Variants in CCDC85C observed in about 807,000 individuals in gnomAD.
CCDC85C encodes coiled-coil domain containing 85C.
Under a neutral mutation model 38.3 loss-of-function variants are expected in CCDC85C, and 18 were observed. That is an observed-to-expected ratio of 0.47 (90% CI 0.33 to 0.70). The LOEUF is 0.70. Ranked by LOEUF, CCDC85C falls within the 30% of genes least tolerant of loss-of-function variation. CCDC85C has a pLI of 0.03. For missense variants in CCDC85C, 566 were observed against 621.2 expected, an observed-to-expected ratio of 0.91 and a Z score of 0.94; for synonymous variants, 264 against 293.8, an observed-to-expected ratio of 0.90 and a Z score of 1.04.
In CCDC85C at chr14:99,503,144, CAA is replaced by C. The variant is rs1234050339; in HGVS notation, c.*12100_*12101del. On this transcript the variant is annotated 3_prime_UTR_variant, in exon 6 of 6. Coordinates refer to ENST00000380243, the MANE Select transcript of CCDC85C (RefSeq NM_001144995.2). ...TGCTTGTCGGTGGGGAGCCTGAAAA[CAA>C]AGGTGCTCCAAGGACAGGCTGCCTC... 1.4e-5 allele frequency: 12 copies of C among 841,058 alleles called. No homozygotes were observed. The highest frequency in any genetic ancestry group is 3.3e-5 in the African/African-American group (2 of 59,958). The allele number at this position is 841,058 out of a possible 1,614,324, so 52.1% of individuals were successfully genotyped here.
At position 99,576,643 on chromosome 14, in the gene CCDC85C, C is replaced by A. The variant is rs931284741; in HGVS notation, c.793+26524G>T. On this transcript the variant is annotated intron_variant, in intron 1 of 5. Coordinates refer to ENST00000380243, the MANE Select transcript of CCDC85C (RefSeq NM_001144995.2). This position sits in a 1 kb window ranked among gnomAD's most constrained non-coding sequence, Gnocchi z 4.8. The stretch of plus-strand genomic sequence containing the variant: ...GCTCCAGAGTTCCCCCACACCTGCC[C>A]CAACCCCCAAGCCTTGCCCTTTCCC... 3 of 152,282 alleles carry A rather than the reference C, an allele frequency of 2.0e-5. No homozygotes were observed. Among genetic ancestry groups the A allele is most frequent in the Non-Finnish European group, 4.4e-5 (3 of 68,116 alleles). 9.4% of individuals were successfully genotyped at this position (152,282 alleles called of 1,614,324 possible). A position where few individuals can be genotyped will look rare whatever the true frequency, so the allele number is the denominator to read the frequency against.
At chr14:99,587,156 C>T (rs940891954) in intron 1 of CCDC85C, among the ~76,000 whole-genome samples, 2 of 152,248 alleles carry the variant, frequency 1.3e-5, no homozygotes, top group African/African-American at 4.8e-5. Flanking sequence ...TCTCACACCA[C>T]CATGGGGCAT....
In CCDC85C at chr14:99,516,782, GGTTA is replaced by G. The variant is rs1374532782; in HGVS notation, c.1071+302_1071+305del. ...CAGAGGCTGGGCCTGGCAGACCTGA[GGTTA>G]GTTCTAGCCCCACTCCTGCCCCTCT... On this transcript the variant is annotated intron_variant, in intron 4 of 5. Coordinates refer to ENST00000380243, the MANE Select transcript of CCDC85C (RefSeq NM_001144995.2). The surrounding 1 kb of genome is among the most constrained non-coding windows in gnomAD (Gnocchi z 5.5). Among the ~76,000 whole-genome samples the G allele has an allele frequency of 6.6e-6, 1 of 152,154 alleles. No homozygotes were observed. Among genetic ancestry groups the G allele is most frequent in the Non-Finnish European group, 1.5e-5 (1 of 68,018 alleles).
chr14:99,573,082 G>C, intron 1 of CCDC85C: 1 of 319,646 alleles, frequency 3.1e-6, no homozygotes, highest in Non-Finnish European at 6.2e-6. Context: ...AGCCTAAGCT[G>C]TTTCCGGGGC....
At position 99,603,496 on chromosome 14, in the gene CCDC85C, C is replaced by A. The variant is rs1460520251; in HGVS notation, c.464G>T (p.Arg155Leu). Reference protein sequence around the residue: ...KELVLLLDEERAALAATGAAS... With the variant: ...KELVLLLDEELAALAATGAAS... ...GGCCCCCGTCGCCGCCAGTGCCGCG[C>A]GCTCCTCGTCCAGCAGCAGCACCAG... is the stretch of plus-strand genomic sequence containing the variant. The change falls in exon 1 of 6, where the codon CGC becomes CTC. Residue 155 changes from arginine (R) to leucine (L), a missense_variant. By Grantham distance (102) the Arg-to-Leu change is moderately radical. Around this residue, in one of 3 missense-constraint regions of CCDC85C, gnomAD observed 269 missense variants for 308.2 expected, o/e 0.87. Transcript: ENST00000380243. The surrounding 1 kb of genome is among the most constrained non-coding windows in gnomAD (Gnocchi z 7.5). 6 of 1,312,018 alleles carry A rather than the reference C, an allele frequency of 4.6e-6. No individual in the cohort carries two copies. In the East Asian group the frequency reaches 1.9e-4, roughly 41 times the overall value. 81.3% of individuals were successfully genotyped at this position (1,312,018 alleles called of 1,614,324 possible). A position where few individuals can be genotyped will look rare whatever the true frequency, so the allele number is the denominator to read the frequency against.
intron 1 of CCDC85C, among the ~76,000 whole-genome samples, chr14:99,557,689 T>C (rs1240226392): frequency 6.6e-6 from 1 of 152,064 alleles, no homozygotes; most frequent in Non-Finnish European, 1.5e-5. Context: ...CCGAGGTGGG[T>C]GGATCACTTG....
At chr14:99,557,360 C>T (rs1313562619) in intron 1 of CCDC85C, among the ~76,000 whole-genome samples, 1 of 152,206 alleles carries the variant, frequency 6.6e-6, no homozygotes, top group Non-Finnish European at 1.5e-5. Flanking sequence ...GAGACAAGAG[C>T]TGGGTTAACA....
At chr14:99,594,108 T>C (rs754180200) in intron 1 of CCDC85C, among the ~76,000 whole-genome samples, 73 of 151,834 alleles carry the variant, frequency 4.8e-4, no homozygotes, top group Non-Finnish European at 7.4e-4. Flanking sequence ...GCAAAGTGGG[T>C]CAACCACTAT....
chr14:99,512,325 ACCAGACGTTCCAGT>A lies in CCDC85C; in HGVS notation c.*2907_*2920del, dbSNP rs911650299. ...GTAGCTGCCGGGCCCGGGGACAGAA[ACCAGACGTTCCAGT>A]CCATCTCCAAAAAGCAGCACAAATA... On this transcript the variant is annotated 3_prime_UTR_variant, in exon 6 of 6. Transcript: ENST00000380243. 17 of 151,962 alleles carry A rather than the reference ACCAGACGTTCCAGT, an allele frequency of 1.1e-4. No individual in the cohort carries two copies. The highest frequency in any genetic ancestry group is 3.2e-3 in the Middle Eastern group (1 of 316). 9.4% of individuals were successfully genotyped at this position (151,962 alleles called of 1,614,324 possible). A position where few individuals can be genotyped will look rare whatever the true frequency, so the allele number is the denominator to read the frequency against.
intron 1 of CCDC85C, among the ~76,000 whole-genome samples, chr14:99,592,156 C>T (rs945089571): frequency 4.6e-5 from 7 of 152,198 alleles, no homozygotes; most frequent in Non-Finnish European, 8.8e-5. Flanking sequence ...GCTGTCAGCA[C>T]GGTACTAGCC....
chr14:99,516,657 C>T lies in CCDC85C; in HGVS notation c.1072-371G>A, dbSNP rs923866060. Reference sequence around the variant, plus strand: ...TGCATGCATGTGGGATGTCATGGGGCACGTACGTAGGAGGAAGGGGGGCAT... The same window carrying T: ...TGCATGCATGTGGGATGTCATGGGGTACGTACGTAGGAGGAAGGGGGGCAT... On this transcript the variant is annotated intron_variant, in intron 4 of 5. Transcript: ENST00000380243. This position sits in a 1 kb window ranked among gnomAD's most constrained non-coding sequence, Gnocchi z 5.5. Among the ~76,000 whole-genome samples, 1 of 151,956 alleles carries T rather than the reference C, an allele frequency of 6.6e-6. No homozygotes were observed. The highest frequency in any genetic ancestry group is 1.5e-5 in the Non-Finnish European group (1 of 67,972).
At position 99,504,044 on chromosome 14, in the gene CCDC85C, ACCAGCCCGGC is replaced by A. The variant is rs1239420231; in HGVS notation, c.*11192_*11201del. 20 of 374,128 alleles carry A rather than the reference ACCAGCCCGGC, an allele frequency of 5.3e-5. No homozygotes were observed. In the Admixed American group the frequency reaches 7.1e-4, roughly 13 times the overall value. 23.2% of individuals were successfully genotyped at this position (374,128 alleles called of 1,614,324 possible). A position where few individuals can be genotyped will look rare whatever the true frequency, so the allele number is the denominator to read the frequency against. The stretch of plus-strand genomic sequence containing the variant: ...GGGGGTGGTGTGCTGCCCGGACAGC[ACCAGCCCGGC>A]CCAGCCCAGCTGCCCTTGCAGGCAA... On this transcript the variant is annotated 3_prime_UTR_variant, in exon 6 of 6. Coordinates refer to ENST00000380243, the MANE Select transcript of CCDC85C (RefSeq NM_001144995.2).
rs755491113 is a variant in CCDC85C, at chr14:99,603,229, C to G, written c.731G>C (p.Arg244Pro). 5 of 1,417,094 alleles carry G rather than the reference C, an allele frequency of 3.5e-6. No individual in the cohort carries two copies. Among genetic ancestry groups the G allele is most frequent in the Non-Finnish European group, 3.7e-6 (4 of 1,089,072 alleles). 87.8% of individuals were successfully genotyped at this position (1,417,094 alleles called of 1,614,324 possible). A position where few individuals can be genotyped will look rare whatever the true frequency, so the allele number is the denominator to read the frequency against. The change falls in exon 1 of 6, where the codon CGT becomes CCT. Residue 244 changes from arginine to proline, a missense_variant. Transcript: ENST00000380243. The surrounding 1 kb of genome is among the most constrained non-coding windows in gnomAD (Gnocchi z 7.5). Reference protein sequence around the residue: ...KAPDGKAGATRRSLDDLSAPP... With the variant: ...KAPDGKAGATPRSLDDLSAPP... ...CGCCGACAAGTCGTCCAGGGACCGA[C>G]GTGTGGCTCCTGCCTTGCCGTCGGG...
chr14:99,597,674 T>C (rs778478642), intron 1 of CCDC85C, among the ~76,000 whole-genome samples: 4 of 152,320 alleles, frequency 2.6e-5, no homozygotes, highest in Middle Eastern at 3.4e-3. Context: ...ACACACATCC[T>C]GGGTCCACCT....
At chr14:99,566,633 C>T (rs186846715) in intron 1 of CCDC85C, among the ~76,000 whole-genome samples, 1 of 152,310 alleles carries the variant, frequency 6.6e-6, no homozygotes, top group African/African-American at 2.4e-5. Flanking sequence ...TCAGGACAGC[C>T]TCATGGAATC....
chr14:99,589,118 G>GAC (rs1371877738), intron 1 of CCDC85C, among the ~76,000 whole-genome samples: 3 of 151,394 alleles, frequency 2.0e-5, no homozygotes, highest in Non-Finnish European at 2.9e-5. Flanking sequence ...GCCCTGAGGA[G>GAC]AGCAGGCAGG....
intron 1 of CCDC85C, among the ~76,000 whole-genome samples, chr14:99,549,770 G>A (rs1016591934): frequency 6.6e-6 from 1 of 152,242 alleles, no homozygotes; most frequent in Non-Finnish European, 1.5e-5. Flanking sequence ...TGACCGAAAT[G>A]ATCATCAACA....
rs7143453 is a variant in CCDC85C, at chr14:99,572,772, C to G, written c.793+30395G>C. On this transcript the variant is annotated intron_variant, in intron 1 of 5. Transcript: ENST00000380243. The surrounding 1 kb of genome is among the most constrained non-coding windows in gnomAD (Gnocchi z 4.4). ...ATTTGTTTGCCAGTTTATCCATCTT[C>G]CAAAGGAGACTTCTGTCTGTCTTGC... The G allele has an allele frequency of 0.093, 42,515 of 455,992 alleles. 3,845 individuals are homozygous for G. Among genetic ancestry groups the G allele is most frequent in the African/African-American group, 0.32 (15,978 of 50,128 alleles). 28.2% of individuals were successfully genotyped at this position (455,992 alleles called of 1,614,324 possible).
intron 2 of CCDC85C, among the ~76,000 whole-genome samples, chr14:99,523,495 G>A (rs1370037882): frequency 6.6e-6 from 1 of 152,220 alleles, no homozygotes; most frequent in African/African-American, 2.4e-5. Flanking sequence ...GGGGTGAGGA[G>A]GCAAGTGGAT....
Sources: allele counts gnomAD v4.1 joint callset (sites outside exome capture counted in the v4.1 genomes callset), GRCh38; gene constraint gnomAD v4.1.1; regional missense constraint gnomAD v4.1.1; non-coding constraint Gnocchi (gnomAD v3.1); transcripts MANE v1.5; gene names NCBI Gene and HGNC (gene_info 2026-07-23, HGNC 2026-07-21).